Variants in WWOX observed in about 807,000 individuals in gnomAD.
WWOX encodes WW domain-containing oxidoreductase.
WWOX carries 69 observed loss-of-function variants against 46.2 expected under a neutral mutation model. The ratio of observed to expected loss-of-function variants is 1.49; its 90% CI spans 1.23 to 1.82. The LOEUF (loss-of-function observed/expected upper bound fraction) is 1.82. Among genes scored for constraint, WWOX ranks in the 40% most tolerant of loss-of-function variants. WWOX has a pLI of 0.00. For missense variants in WWOX, 919 were observed against 542.6 expected (o/e 1.69, Z -6.89); for synonymous variants, 359 against 202.6 (o/e 1.77, Z -6.56).
At chr16:78,811,432 C>G (rs1213239711) in intron 8 of WWOX, among the ~76,000 whole-genome samples, 1 of 151,990 alleles carries the variant, frequency 6.6e-6, no homozygotes, top group African/African-American at 2.4e-5. Context: ...CTCCCTCTTC[C>G]TCCCTTTCTT....
intron 8 of WWOX, among the ~76,000 whole-genome samples, chr16:78,475,944 A>G (rs971382411): frequency 6.6e-6 from 1 of 152,172 alleles, no homozygotes; most frequent in Non-Finnish European, 1.5e-5. Flanking sequence ...TTATTAATTT[A>G]TTATGGTAAT....
At chr16:79,125,600 G>C (rs1187239320) in intron 8 of WWOX, among the ~76,000 whole-genome samples, 1 of 151,904 alleles carries the variant, frequency 6.6e-6, no homozygotes, top group Non-Finnish European at 1.5e-5. Context: ...GGACCCTTGG[G>C]ATGAAGACCC....
chr16:78,180,838 G>A (rs1334127941), intron 5 of WWOX, among the ~76,000 whole-genome samples: 2 of 152,182 alleles, frequency 1.3e-5, no homozygotes, highest in Admixed American at 6.5e-5. Context: ...ATGAGTGCTA[G>A]TGGGTAAATC....
intron 8 of WWOX, among the ~76,000 whole-genome samples, chr16:78,918,230 A>G (rs1390412812): frequency 3.3e-5 from 5 of 152,212 alleles, no homozygotes; most frequent in African/African-American, 9.6e-5. Context: ...AAAGAAAGAA[A>G]GAAAGCCCTA....
chr16:78,792,071 T>C (rs1355909183), intron 8 of WWOX, among the ~76,000 whole-genome samples: 2 of 152,144 alleles, frequency 1.3e-5, no homozygotes, highest in African/African-American at 4.8e-5. Context: ...CTGTCCCTGG[T>C]GCGGGGGAGC....
chr16:79,010,977 G>C (rs1024497328), intron 8 of WWOX, among the ~76,000 whole-genome samples: 2 of 152,032 alleles, frequency 1.3e-5, no homozygotes, highest in Admixed American at 1.3e-4. Context: ...GTTTGGGCAG[G>C]CTCTGAGTAG....
chr16:78,888,528 C>G (rs2044516757), intron 8 of WWOX, among the ~76,000 whole-genome samples: 1 of 152,206 alleles, frequency 6.6e-6, no homozygotes, highest in South Asian at 2.1e-4. Context: ...AGGATCCCAG[C>G]TTCCCTGTCT....
At chr16:78,248,159 C>T (rs1325244192) in intron 5 of WWOX, among the ~76,000 whole-genome samples, 3 of 152,106 alleles carry the variant, frequency 2.0e-5, no homozygotes, top group Non-Finnish European at 2.9e-5. Context: ...CTCACAGTTC[C>T]ACAGGCTGTA....
chr16:78,931,848 G>A (rs1348981589), intron 8 of WWOX, among the ~76,000 whole-genome samples: 2 of 152,186 alleles, frequency 1.3e-5, no homozygotes, highest in Non-Finnish European at 2.9e-5. Context: ...ACGCCACATG[G>A]GAGGGATTTG....
chr16:78,726,177 T>C (rs937885645), intron 8 of WWOX, among the ~76,000 whole-genome samples: 5 of 147,146 alleles, frequency 3.4e-5, no homozygotes, highest in Admixed American at 6.9e-5. Context: ...CTCTCTTTTC[T>C]CTCTCTCTCT....
chr16:78,661,360 G>T (rs930644274), intron 8 of WWOX, among the ~76,000 whole-genome samples: 6 of 152,032 alleles, frequency 3.9e-5, no homozygotes, highest in Non-Finnish European at 5.9e-5. Context: ...CTTCTGAAGC[G>T]ACCACTTCAT....
At chr16:78,569,620 T>C (rs2044663612) in intron 8 of WWOX, among the ~76,000 whole-genome samples, 1 of 152,248 alleles carries the variant, frequency 6.6e-6, no homozygotes, top group Non-Finnish European at 1.5e-5. Context: ...TACTTCTCAA[T>C]ACTACACTGA....
intron 6 of WWOX, among the ~76,000 whole-genome samples, chr16:78,406,708 C>T (rs1371592621): frequency 1.3e-5 from 2 of 150,816 alleles, no homozygotes; most frequent in Non-Finnish European, 1.5e-5. Flanking sequence ...CTCACTGCAA[C>T]CTCCTCCTCC....
At chr16:78,391,603 C>T (rs1006602190) in intron 6 of WWOX, among the ~76,000 whole-genome samples, 2 of 152,182 alleles carry the variant, frequency 1.3e-5, no homozygotes, top group African/African-American at 4.8e-5. Flanking sequence ...ATCCCAGCAC[C>T]TGGGGAGGCC....
intron 8 of WWOX, among the ~76,000 whole-genome samples, chr16:78,999,098 A>G (rs1469313613): frequency 6.6e-6 from 1 of 152,020 alleles, no homozygotes; most frequent in East Asian, 1.9e-4. Context: ...GCGCAACACA[A>G]CTGCAGAGCC....
At chr16:78,588,735 G>A (rs949898143) in intron 8 of WWOX, among the ~76,000 whole-genome samples, 1 of 152,148 alleles carries the variant, frequency 6.6e-6, no homozygotes, top group Non-Finnish European at 1.5e-5. Flanking sequence ...TATTGACGTA[G>A]CATCACTTTA....
At chr16:79,202,314 C>T (rs1042304679) in intron 8 of WWOX, among the ~76,000 whole-genome samples, 32 of 152,022 alleles carry the variant, frequency 2.1e-4, no homozygotes, top group Admixed American at 1.6e-3. Flanking sequence ...ACTCAGTCTC[C>T]GTATTGTTGA....
At chr16:78,932,781 C>T (rs140584586) in intron 8 of WWOX, among the ~76,000 whole-genome samples, 2 of 152,286 alleles carry the variant, frequency 1.3e-5, no homozygotes, top group African/African-American at 4.8e-5. Context: ...AGAGAGATGA[C>T]TCAGGCTGGT....
intron 6 of WWOX, among the ~76,000 whole-genome samples, chr16:78,393,893 T>C (rs1450434603): frequency 6.6e-6 from 1 of 152,174 alleles, no homozygotes; most frequent in Non-Finnish European, 1.5e-5. Context: ...CTTGCTTTAC[T>C]TCTTAAACAT....
Sources: gnomAD v4.1 joint callset for allele counts (sites outside exome capture counted in the v4.1 genomes callset) on GRCh38, gnomAD v4.1.1 for gene constraint, MANE v1.5 for transcripts, NCBI Gene and HGNC (gene_info 2026-07-23, HGNC 2026-07-21) for gene names.